The following TAF6L variants were observed in gnomAD, a reference collection of about 807,000 sequenced individuals.
The protein encoded by TAF6L is TATA-box binding protein associated factor 6 like, also known as TAF6-like RNA polymerase II p300/CBP-associated factor-associated factor 65 kDa subunit 6L.
TAF6L carries 34 observed loss-of-function variants against 57.3 expected under a neutral mutation model. That is an observed-to-expected ratio of 0.59 (90% CI 0.45 to 0.79). The LOEUF is 0.79. Ranked by LOEUF, TAF6L falls within the 30% of genes least tolerant of loss-of-function variation. The pLI is 0.00. For synonymous variants in TAF6L, 417 were observed against 376.3 expected, an observed-to-expected ratio of 1.11 and a Z score of -1.25; for missense variants, 782 against 853.2, an observed-to-expected ratio of 0.92 and a Z score of 1.04.
chr11:62,782,695 C>T lies in TAF6L; in HGVS notation c.830C>T (p.Thr277Ile), dbSNP rs2084239313. The T allele has an allele frequency of 1.2e-6, 2 of 1,611,892 alleles. No individual in the cohort carries two copies. The highest frequency in any genetic ancestry group is 1.7e-5 in the Admixed American group (1 of 59,972). Residue 277 changes from threonine to isoleucine, a missense_variant and splice_region_variant, in exon 9 of 11, where the codon ACT (threonine) becomes ATT (isoleucine). Transcript: ENST00000294168. ...AALLLSHIFW[T>I]HGDLVSGLYQ... ...CTAACTGAATGGTGCTCCCACAGGA[C>T]TCATGGGGACCTTGTAAGTGGCCTC...
Position 62,786,352 on chromosome 11 carries a change from C to A in TAF6L, c.1053C>A (p.Val351=). The change falls in exon 10 of 11, where the codon GTC becomes GTA. Residue 351 remains valine (V), a synonymous_variant. Transcript: ENST00000294168. ...LDDYSVSNAQ[V]KADGHKVYGA... is the part of the protein sequence containing the mutation. ...ATTATTCAGTATCTAATGCCCAGGT[C>A]AAAGCAGATGGACACAAAGTCTATG... 6.2e-7 allele frequency: 1 copy of A among 1,614,162 alleles called. No individual in the cohort carries two copies. The highest frequency in any genetic ancestry group is 1.1e-5 in the South Asian group (1 of 91,070).
chr11:62,779,053 T>G, intron 6 of TAF6L, 90 bp downstream of exon 6: 1 of 1,149,818 alleles, frequency 8.7e-7, no homozygotes, highest in Non-Finnish European at 1.3e-6. Context: ...AGAGTTTCGC[T>G]CTTGTTGCCC....
At chr11:62,776,853 A>G (rs1173527053) in intron 3 of TAF6L, among the ~76,000 whole-genome samples, 1 of 150,422 alleles carries the variant, frequency 6.6e-6, no homozygotes, top group Non-Finnish European at 1.5e-5. Context: ...AAAAAAAGAA[A>G]AAAAAAAAAA....
In TAF6L at chr11:62,778,012, C is replaced by T; in HGVS notation, c.269C>T (p.Pro90Leu). 6.2e-7 allele frequency: 1 copy of T among 1,614,168 alleles called. No homozygotes were observed. Among genetic ancestry groups the T allele is most frequent in the Non-Finnish European group, 8.5e-7 (1 of 1,180,028 alleles). ...GGTTACGGATCACAGGAGGCACTGCCCATGCGCCCCGCCAGGGAGGGTGAA... is the reference window on the plus strand; with the variant it reads ...GGTTACGGATCACAGGAGGCACTGCTCATGCGCCCCGCCAGGGAGGGTGAA... Reference protein sequence around the residue: ...VCGYGSQEALPMRPAREGELY... With the variant: ...VCGYGSQEALLMRPAREGELY... The change falls in exon 4 of 11, where the codon CCC (proline) becomes CTC (leucine). Residue 90 changes from proline to leucine, a missense_variant. Transcript: ENST00000294168.
At chr11:62,779,207 GT>G (rs1327993752) in intron 6 of TAF6L, among the ~76,000 whole-genome samples, 1 of 151,532 alleles carries the variant, frequency 6.6e-6, no homozygotes, top group Admixed American at 6.6e-5. Flanking sequence ...GTTTTGTTTT[GT>G]TTTTGAAACG....
At chr11:62,776,056 G>A in intron 2 of TAF6L, 126 bp downstream of exon 2, 1 of 1,254,790 alleles carries the variant, frequency 8.0e-7, no homozygotes, top group Non-Finnish European at 1.1e-6. Context: ...GACAGTCCAT[G>A]CCTTTACAGA....
Position 62,777,984 on chromosome 11 carries a change from T to G in TAF6L, c.241T>G (p.Cys81Gly). ...ALRWSSVEAV[C>G]GYGSQEALPM... ...CAATTCCCTTTTTCCTCAGGCTGTG[T>G]GTGGTTACGGATCACAGGAGGCACT... is the stretch of plus-strand genomic sequence containing the variant. Residue 81 changes from cysteine to glycine, a missense_variant, in exon 4 of 11, where the codon TGT (cysteine) becomes GGT (glycine). By Grantham distance (159) the Cys-to-Gly change is radical. Around this residue, in one of 3 missense-constraint regions of TAF6L, gnomAD observed 220 missense variants for 252.1 expected, o/e 0.87. Transcript: ENST00000294168. The G allele has an allele frequency of 6.2e-7, 1 of 1,614,118 alleles. No individual in the cohort carries two copies. The highest frequency in any genetic ancestry group is 8.5e-7 in the Non-Finnish European group (1 of 1,179,984).
intron 6 of TAF6L, among the ~76,000 whole-genome samples, chr11:62,779,295 T>C (rs1400567928): frequency 2.6e-5 from 4 of 151,772 alleles, no homozygotes; most frequent in East Asian, 1.9e-4. Context: ...CCTGGGTTCA[T>C]GCCATTCTCC....
Position 62,786,240 on chromosome 11 carries a change from A to G in TAF6L, c.961-20A>G. On this transcript the variant is annotated intron_variant, in intron 9 of 10. Transcript: ENST00000294168. ...TAAGTATCAAAGACATGCTAACTGT[A>G]TTCCTTCTCTTCCTTCCAGGCAGTA... 6.2e-7 allele frequency: 1 copy of G among 1,604,898 alleles called. No homozygotes were observed. Among genetic ancestry groups the G allele is most frequent in the Non-Finnish European group, 8.5e-7 (1 of 1,172,310 alleles).
At chr11:62,777,438 A>G (rs1000921235) in intron 3 of TAF6L, among the ~76,000 whole-genome samples, 7 of 152,144 alleles carry the variant, frequency 4.6e-5, no homozygotes, top group African/African-American at 1.7e-4. Context: ...TGTTCAGAAA[A>G]GAGGGAGAGG....
intron 5 of TAF6L, 125 bp from the exon 6 acceptor site, chr11:62,778,744 G>A (rs2084205142): frequency 1.2e-6 from 1 of 820,152 alleles, no homozygotes; most frequent in African/African-American, 1.7e-5. Context: ...TCTTGCCCTG[G>A]TTGTCCTGTC....
chr11:62,786,615 A>T lies in TAF6L; in HGVS notation c.1188A>T (p.Pro396=), dbSNP rs2084279260. ...GRGCRRLDDL[P]WDSLLFQESS... is the part of the protein sequence containing the mutation. ...GGTGCCGGCGCCTGGACGACCTGCC[A>T]TGGGACAGCCTTCTCTTTCAAGAGT... Residue 396 remains proline, a synonymous_variant, in exon 11 of 11, where the codon CCA becomes CCT. Coordinates refer to ENST00000294168, the MANE Select transcript of TAF6L (RefSeq NM_006473.4). 1 of 1,595,886 alleles carries T rather than the reference A, an allele frequency of 6.3e-7. No individual in the cohort carries two copies. Among genetic ancestry groups the T allele is most frequent in the Non-Finnish European group, 8.5e-7 (1 of 1,170,580 alleles).
intron 8 of TAF6L, 96 bp downstream of exon 8, chr11:62,782,429 T>C: frequency 7.4e-7 from 1 of 1,349,808 alleles, no homozygotes. Context: ...TGAGAGTCTA[T>C]GAGAAGATGG....
intron 9 of TAF6L, among the ~76,000 whole-genome samples, chr11:62,785,212 G>A (rs559139312): frequency 6.7e-6 from 1 of 148,330 alleles, no homozygotes; most frequent in African/African-American, 2.5e-5. Flanking sequence ...TTTTTTTCGA[G>A]ACAGAGTCTC....
chr11:62,787,213 C>T lies in TAF6L; in HGVS notation c.1786C>T (p.Gln596Ter). ...YGPSPASRYVQKLPMIGRTSR... is the reference protein window; with the variant it reads ...YGPSPASRYV The stretch of plus-strand genomic sequence containing the variant: ...GCCTAGCCCGGCCTCGCGCTACGTG[C>T]AGAAACTGCCCATGATCGGCCGTAC... Residue 596 changes from glutamine to a stop codon, truncating the protein, a stop_gained, in exon 11 of 11, where the codon CAG (glutamine) becomes TAG (stop). Transcript: ENST00000294168. LOFTEE classifies it high-confidence loss of function. 1.3e-6 allele frequency: 2 copies of T among 1,587,952 alleles called. No homozygotes were observed. Among genetic ancestry groups the T allele is most frequent in the Middle Eastern group, 3.3e-4 (2 of 6,026 alleles).
chr11:62,781,165 G>A (rs2084226514), intron 6 of TAF6L, among the ~76,000 whole-genome samples: 1 of 150,100 alleles, frequency 6.7e-6, no homozygotes, highest in African/African-American at 2.5e-5. Flanking sequence ...GAACCCAGGA[G>A]GCAGAGGTTG....
chr11:62,778,405 T>C, intron 5 of TAF6L, 70 bp downstream of exon 5: 1 of 1,569,952 alleles, frequency 6.4e-7, no homozygotes. Context: ...GTGGTGCCTA[T>C]GTGCCCCCGA....
In TAF6L at chr11:62,775,805, C is replaced by A. The variant is rs749042287; in HGVS notation, c.22C>A (p.Arg8=). 1.9e-6 allele frequency: 3 copies of A among 1,610,654 alleles called. No individual in the cohort carries two copies. The highest frequency in any genetic ancestry group is 2.5e-6 in the Non-Finnish European group (3 of 1,179,754). MSEREER[R]FVEIPRESVR... ...GGCCATGTCAGAGCGAGAAGAGCGG[C>A]GGTTTGTGGAGATCCCTCGGGAGTC... The change falls in exon 2 of 11, where the codon CGG becomes AGG. Residue 8 remains arginine (R), a synonymous_variant. Coordinates refer to ENST00000294168, the MANE Select transcript of TAF6L (RefSeq NM_006473.4).
chr11:62,776,284 T>C (rs887230382), intron 2 of TAF6L, 100 bp from the exon 3 acceptor site: 12 of 1,206,906 alleles, frequency 9.9e-6, no homozygotes, highest in Non-Finnish European at 1.2e-5. Context: ...AAGCGTGGTC[T>C]CCTGTTTGCC....
Sources: allele counts gnomAD v4.1 joint callset (sites outside exome capture counted in the v4.1 genomes callset), GRCh38; gene constraint gnomAD v4.1.1; regional missense constraint gnomAD v4.1.1; transcripts MANE v1.5; gene names NCBI Gene and HGNC (gene_info 2026-07-23, HGNC 2026-07-21).